NFYC: variants seen among roughly 807,000 people sequenced by gnomAD.
NFYC encodes the protein CAAT box DNA-binding protein subunit C.
In NFYC, 25 loss-of-function variants were observed where a neutral mutation model predicts 53.1. The observed-to-expected ratio is 0.47, with a 90% CI of 0.34 to 0.66. The LOEUF is 0.66. NFYC is among the 30% of genes least tolerant of loss of function. NFYC has a pLI of 0.01. For missense variants in NFYC, 260 were observed against 422.7 expected, an observed-to-expected ratio of 0.62 and a Z score of 3.38; for synonymous variants, 145 against 152.6, an observed-to-expected ratio of 0.95 and a Z score of 0.37.
intron 1 of NFYC, among the ~76,000 whole-genome samples, chr1:40,724,601 A>G (rs1644444919): frequency 6.6e-6 from 1 of 152,196 alleles, no homozygotes; most frequent in African/African-American, 2.4e-5. Flanking sequence ...AGGATGAGTA[A>G]GAATGTGTGT....
intron 1 of NFYC, among the ~76,000 whole-genome samples, chr1:40,697,723 T>G (rs1570282052): frequency 6.6e-6 from 1 of 152,238 alleles, no homozygotes; most frequent in African/African-American, 2.4e-5. Flanking sequence ...TGAGTAACGT[T>G]TTCTTTGAAG....
At chr1:40,751,501 G>T (rs1171901067) in intron 4 of NFYC, among the ~76,000 whole-genome samples, 1 of 152,080 alleles carries the variant, frequency 6.6e-6, no homozygotes, top group African/African-American at 2.4e-5. Context: ...GACCTCCTGG[G>T]CTCAAGTGAT....
intron 1 of NFYC, among the ~76,000 whole-genome samples, chr1:40,730,032 T>C (rs1644694679): frequency 6.6e-6 from 1 of 151,806 alleles, no homozygotes; most frequent in African/African-American, 2.4e-5. Flanking sequence ...TAGCTTTCGA[T>C]TGATTGAGTT....
intron 5 of NFYC, among the ~76,000 whole-genome samples, chr1:40,756,714 A>C (rs560618927): frequency 2.0e-5 from 3 of 152,324 alleles, no homozygotes; most frequent in South Asian, 2.1e-4. Context: ...GTTTAAGAGA[A>C]TTTGTCATAT....
intron 1 of NFYC, among the ~76,000 whole-genome samples, chr1:40,734,167 C>T (rs1644907502): frequency 6.6e-6 from 1 of 152,108 alleles, no homozygotes; most frequent in South Asian, 2.1e-4. Flanking sequence ...AGACATAAGC[C>T]ACAACACCCA....
chr1:40,696,173 G>A (rs1209709006), intron 1 of NFYC, among the ~76,000 whole-genome samples: 4 of 151,910 alleles, frequency 2.6e-5, no homozygotes, highest in African/African-American at 4.8e-5. Context: ...ATAGACGCCC[G>A]CCACCATGCC....
chr1:40,745,578 GTCTC>G (rs1023615073), intron 2 of NFYC, among the ~76,000 whole-genome samples: 3 of 152,072 alleles, frequency 2.0e-5, no homozygotes, highest in East Asian at 3.9e-4. Flanking sequence ...GTGATTTTTT[GTCTC>G]TCTCTCTGTC....
At chr1:40,740,006 G>A (rs1645251675) in intron 2 of NFYC, among the ~76,000 whole-genome samples, 1 of 152,138 alleles carries the variant, frequency 6.6e-6, no homozygotes, top group Non-Finnish European at 1.5e-5. Context: ...TAAGTATGTG[G>A]TATGAGAGTG....
At chr1:40,718,446 C>T (rs1644217368) in intron 1 of NFYC, among the ~76,000 whole-genome samples, 1 of 152,208 alleles carries the variant, frequency 6.6e-6, no homozygotes, top group South Asian at 2.1e-4. Context: ...TGCTTCTCCC[C>T]TGAAAGGCAC....
intron 1 of NFYC, chr1:40,709,753 G>A (rs925801790): frequency 1.3e-5 from 2 of 152,208 alleles, no homozygotes; most frequent in African/African-American, 4.8e-5. Flanking sequence ...ATACCTTGCT[G>A]TGTTTAGATT....
intron 1 of NFYC, among the ~76,000 whole-genome samples, chr1:40,714,577 A>G (rs1644052892): frequency 6.6e-6 from 1 of 152,212 alleles, no homozygotes; most frequent in South Asian, 2.1e-4. Flanking sequence ...ATAGCTGGAT[A>G]GAATATATTT....
chr1:40,760,149 G>T (rs2148752641), intron 6 of NFYC, among the ~76,000 whole-genome samples: 1 of 152,254 alleles, frequency 6.6e-6, no homozygotes, highest in Non-Finnish European at 1.5e-5. Flanking sequence ...TGGAGATGGG[G>T]TCTCATTATG....
chr1:40,757,854 C>A (rs745705479), intron 5 of NFYC: 2 of 539,422 alleles, frequency 3.7e-6, no homozygotes, highest in Non-Finnish European at 6.7e-6. Context: ...CTTATTTGCC[C>A]GTTTGCAACT....
intron 2 of NFYC, among the ~76,000 whole-genome samples, chr1:40,742,962 G>A (rs2148637415): frequency 6.6e-6 from 1 of 152,262 alleles, no homozygotes; most frequent in Middle Eastern, 3.4e-3. Context: ...TTCCTCAGAT[G>A]TGTCAGAGCC....
intron 5 of NFYC, chr1:40,754,463 C>T (rs1384010845): frequency 1.3e-5 from 7 of 532,830 alleles, no homozygotes; most frequent in East Asian, 1.1e-4. Flanking sequence ...TCCCCAGCTA[C>T]GCACCGGCTT....
At chr1:40,707,136 C>T (rs1643730634) in intron 1 of NFYC, among the ~76,000 whole-genome samples, 1 of 151,162 alleles carries the variant, frequency 6.6e-6, no homozygotes, top group African/African-American at 2.4e-5. Context: ...CACCGTTGTA[C>T]TCTAGCCTAG....
chr1:40,714,846 C>G (rs373446814), intron 1 of NFYC, among the ~76,000 whole-genome samples: 1 of 151,980 alleles, frequency 6.6e-6, no homozygotes, highest in African/African-American at 2.4e-5. Context: ...TTTGGGAGGC[C>G]GAGGCAGGCA....
chr1:40,713,525 G>C (rs1256025326), intron 1 of NFYC, among the ~76,000 whole-genome samples: 2 of 152,202 alleles, frequency 1.3e-5, no homozygotes, highest in Non-Finnish European at 2.9e-5. Flanking sequence ...GAACATGGCT[G>C]TCTTCATGAA....
intron 1 of NFYC, chr1:40,735,105 C>A (rs988250864): frequency 6.6e-6 from 1 of 151,236 alleles, no homozygotes; most frequent in Non-Finnish European, 1.5e-5. Context: ...AAGGTAGAAT[C>A]ACCCGGGGTT....
Sources: allele counts gnomAD v4.1 joint callset (sites outside exome capture counted in the v4.1 genomes callset), GRCh38; gene constraint gnomAD v4.1.1; transcripts MANE v1.5; gene names NCBI Gene and HGNC (gene_info 2026-07-23, HGNC 2026-07-21).